Variants in RNF213 observed in about 807,000 individuals in gnomAD.
RNF213 encodes the protein ring finger protein 213, also known as E3 ubiquitin-protein ligase RNF213.
RNF213 carries 341 observed loss-of-function variants against 514.4 expected under a neutral mutation model. The observed-to-expected ratio is 0.66, with a 90% CI of 0.61 to 0.73. RNF213 has a LOEUF of 0.73. Ranked by LOEUF, RNF213 falls within the 30% of genes least tolerant of loss-of-function variation. The pLI is 0.00. For synonymous variants in RNF213, 2,655 were observed against 2,658.2 expected (o/e 1.00, Z 0.04); for missense variants, 5,767 against 6,615.6 (o/e 0.87, Z 4.45).
At chr17:80,328,291 T>C (rs2042721729) in intron 19 of RNF213, 37 bp from the exon 20 acceptor site, 9 of 1,512,584 alleles carry the variant, frequency 6.0e-6, no homozygotes, top group African/African-American at 1.4e-5. Flanking sequence ...CATTTGTTGC[T>C]GTATTGGGTT....
At position 80,353,900 on chromosome 17, in the gene RNF213, G is replaced by A. The variant is rs1399103901; in HGVS notation, c.10579-119G>A. On this transcript the variant is annotated intron_variant, in intron 34 of 67. Coordinates refer to ENST00000582970, the MANE Select transcript of RNF213 (RefSeq NM_001256071.3). The surrounding 1 kb of genome is among the most constrained non-coding windows in gnomAD (Gnocchi z 5.0). ...GGAGGTCGGCGTCTCTTCTTTGTCCGTGAGGACCGCCGCCCTGTGCTGTTT... is the reference window on the plus strand; with the variant it reads ...GGAGGTCGGCGTCTCTTCTTTGTCCATGAGGACCGCCGCCCTGTGCTGTTT... The A allele has an allele frequency of 5.8e-6, 8 of 1,390,476 alleles. No homozygotes were observed. The highest frequency in any genetic ancestry group is 7.0e-6 in the Non-Finnish European group (7 of 997,674). 86.1% of individuals were successfully genotyped at this position (1,390,476 alleles called of 1,614,324 possible).
intron 3 of RNF213, among the ~76,000 whole-genome samples, chr17:80,274,116 C>T (rs73442432): frequency 0.043 from 6,557 of 152,162 alleles, 155 homozygotes; most frequent in East Asian, 0.11. Context: ...GCGTGTCTTG[C>T]GCTTCTGTAG....
intron 49 of RNF213, 23 bp from the exon 50 acceptor site, chr17:80,374,432 ACCC>A: frequency 6.2e-7 from 1 of 1,613,604 alleles, no homozygotes; most frequent in Non-Finnish European, 8.5e-7. Flanking sequence ...CCCATTGTTC[ACCC>A]CCAACTAACC....
At chr17:80,308,899 G>A (rs1375997209) in intron 13 of RNF213, 119 bp from the exon 14 acceptor site, 6 of 1,250,624 alleles carry the variant, frequency 4.8e-6, no homozygotes, top group South Asian at 2.4e-5. Context: ...ACCTAGATAA[G>A]GTCAAACAAA....
chr17:80,313,788 GTGAAGGTGA>G (rs1319717988), intron 15 of RNF213, among the ~76,000 whole-genome samples: 2 of 143,524 alleles, frequency 1.4e-5, no homozygotes, highest in Non-Finnish European at 1.6e-5. Flanking sequence ...GATGGTGGTG[GTGAAGGTGA>G]TGGTGGAGGT....
chr17:80,344,128 C>A, intron 28 of RNF213, 113 bp downstream of exon 28: 1 of 1,131,010 alleles, frequency 8.8e-7, no homozygotes, highest in Non-Finnish European at 1.3e-6. Flanking sequence ...TTACTTAGTG[C>A]AGCAGCTGAA....
intron 54 of RNF213, chr17:80,379,309 G>T: frequency 2.5e-6 from 1 of 398,764 alleles, no homozygotes; most frequent in Non-Finnish European, 4.8e-6. Context: ...TAGATGGAGG[G>T]ATGGAAAAAG....
At position 80,317,664 on chromosome 17, in the gene RNF213, G is replaced by A. The variant is rs7501987; in HGVS notation, c.2901+387G>A. 0.28 allele frequency among the ~76,000 whole-genome samples: 42,866 copies of A among 152,086 alleles called. 6,879 individuals are homozygous for A. The highest frequency in any genetic ancestry group is 0.39 in the South Asian group (1,902 of 4,818). ...TTGGGAGCTGGCAGGAGCAAGCTCC[G>A]TGCAGGCCCTGCAGCAGTGCCCAGA... On this transcript the variant is annotated intron_variant, in intron 16 of 67. Coordinates refer to ENST00000582970, the MANE Select transcript of RNF213 (RefSeq NM_001256071.3). This position sits in a 1 kb window ranked among gnomAD's most constrained non-coding sequence, Gnocchi z 4.1.
Position 80,263,904 on chromosome 17 carries a change from T to C in RNF213, c.97+126T>C, listed in dbSNP as rs2043515080. 1.4e-6 allele frequency: 1 copy of C among 731,802 alleles called. No homozygotes were observed. The highest frequency in any genetic ancestry group is 2.4e-6 in the Non-Finnish European group (1 of 417,808). The allele number at this position is 731,802 out of a possible 1,614,324, so 45.3% of individuals were successfully genotyped here. A position where few individuals can be genotyped will look rare whatever the true frequency, so the allele number is the denominator to read the frequency against. On this transcript the variant is annotated intron_variant, in intron 2 of 67. Coordinates refer to ENST00000582970, the MANE Select transcript of RNF213 (RefSeq NM_001256071.3). This position sits in a 1 kb window ranked among gnomAD's most constrained non-coding sequence, Gnocchi z 4.9. ...AGGTGGGGCCGAGGTCCTCTGTGGCTACTGAGGCTCTGTGGCTCTGAATAG... is the reference window on the plus strand; with the variant it reads ...AGGTGGGGCCGAGGTCCTCTGTGGCCACTGAGGCTCTGTGGCTCTGAATAG...
Position 80,389,769 on chromosome 17 carries a change from C to T in RNF213, c.15196-59C>T, listed in dbSNP as rs1333787955. ...GAGAGCACTCAGGCTCCCTGGTGCA[C>T]GACATGAGTGGGGGTGTGAGACCTC... On this transcript the variant is annotated intron_variant, in intron 65 of 67. Coordinates refer to ENST00000582970, the MANE Select transcript of RNF213 (RefSeq NM_001256071.3). 1.1e-5 allele frequency: 16 copies of T among 1,428,570 alleles called. No individual in the cohort carries two copies. In the East Asian group the frequency reaches 2.0e-4, roughly 18 times the overall value. 88.5% of individuals were successfully genotyped at this position (1,428,570 alleles called of 1,614,324 possible). A position where few individuals can be genotyped will look rare whatever the true frequency, so the allele number is the denominator to read the frequency against.
intron 42 of RNF213, chr17:80,365,396 AGCTCCCCGGAGGCTGGCACGGAGTC>A (rs2079224081): frequency 6.6e-6 from 1 of 151,126 alleles, no homozygotes; most frequent in African/African-American, 2.4e-5. Flanking sequence ...CTAAGGTACC[AGCTCCCCGGAGGCTGGCACGGAGTC>A]AGGTGCCCAC....
At chr17:80,312,085 G>A (rs566342128) in intron 14 of RNF213, among the ~76,000 whole-genome samples, 42 of 152,046 alleles carry the variant, frequency 2.8e-4, no homozygotes, top group African/African-American at 9.6e-4. Flanking sequence ...CCAAGATCGC[G>A]CCACTGTACT....
At chr17:80,336,584 T>G in intron 23 of RNF213, 1 of 649,666 alleles carries the variant, frequency 1.5e-6, no homozygotes, top group Admixed American at 2.1e-5. Flanking sequence ...ACATGACACA[T>G]AGTAATCTCT....
Position 80,390,009 on chromosome 17 carries a change from T to C in RNF213, c.15286-3T>C. The C allele has an allele frequency of 1.9e-6, 3 of 1,614,224 alleles. No individual in the cohort carries two copies. The highest frequency in any genetic ancestry group is 8.5e-7 in the Non-Finnish European group (1 of 1,180,034). On this transcript the variant is annotated splice_polypyrimidine_tract_variant and splice_region_variant and intron_variant, in intron 66 of 67. Transcript: ENST00000582970. ...TGCTTCATTTGCTCTTCCGTCGTTTTAGGAGCCATTTGGGGAAATCAGTTC... is the reference window on the plus strand; with the variant it reads ...TGCTTCATTTGCTCTTCCGTCGTTTCAGGAGCCATTTGGGGAAATCAGTTC...
Position 80,347,847 on chromosome 17 carries a change from A to G in RNF213, c.9512A>G (p.Lys3171Arg). ...FPIPLINRLE[K>R]HYLDINTVLE... ...ATCCCCCTCATTAACCGGCTGGAGA[A>G]GCACTATCTGGATATCAACACGGTG... The change falls in exon 29 of 68, where the codon AAG becomes AGG. Residue 3171 changes from lysine to arginine, a missense_variant. Physicochemically the swap from Lys to Arg is conservative, Grantham distance 26. Coordinates refer to ENST00000582970, the MANE Select transcript of RNF213 (RefSeq NM_001256071.3). This position sits in a 1 kb window ranked among gnomAD's most constrained non-coding sequence, Gnocchi z 7.2. 6.2e-7 allele frequency: 1 copy of G among 1,614,196 alleles called. No homozygotes were observed. The highest frequency in any genetic ancestry group is 8.5e-7 in the Non-Finnish European group (1 of 1,180,034).
rs369215015 is a variant in RNF213, at chr17:80,361,801, T to C, written c.11268T>C (p.His3756=). 7 of 1,613,958 alleles carry C rather than the reference T, an allele frequency of 4.3e-6. No homozygotes were observed. The Admixed American group carries it at 5.0e-5, about 12-fold the overall frequency. The part of the protein sequence containing the change: ...TPLGRFLAQL[H]GEPQQELLQC... ...TGGGCAGGTTTCTTGCCCAGCTCCA[T>C]GGAGAGCCGCAGCAGGAACTTCTTC... The change falls in exon 39 of 68, where the codon CAT becomes CAC. Residue 3756 remains histidine, a synonymous_variant. Coordinates refer to ENST00000582970, the MANE Select transcript of RNF213 (RefSeq NM_001256071.3).
intron 3 of RNF213, chr17:80,278,624 G>C (rs2044152900): frequency 9.6e-7 from 1 of 1,040,630 alleles, no homozygotes; most frequent in Non-Finnish European, 1.4e-6. Context: ...TGGGAAGCTG[G>C]TCAGTGCCCA....
Position 80,363,133 on chromosome 17 carries a change from G to A in RNF213, c.11387G>A (p.Arg3796Lys), listed in dbSNP as rs1219619112. 5 of 1,614,210 alleles carry A rather than the reference G, an allele frequency of 3.1e-6. No homozygotes were observed. The highest frequency in any genetic ancestry group is 4.2e-6 in the Non-Finnish European group (5 of 1,180,032). ...CAGATGGCTCTGTGGTCCTGCACTAGGAAACTGAAAGCGGCGTCAGAAGCG... is the reference window on the plus strand; with the variant it reads ...CAGATGGCTCTGTGGTCCTGCACTAAGAAACTGAAAGCGGCGTCAGAAGCG... ...FLQMALWSCT[R>K]KLKAASEAPE... The change falls in exon 40 of 68, where the codon AGG (arginine) becomes AAG (lysine). Residue 3796 changes from arginine (R) to lysine (K), a missense_variant. This residue lies in a region of RNF213 where 355 missense variants were observed against 358.0 expected (regional missense o/e 0.99). Transcript: ENST00000582970.
At chr17:80,306,115 A>AC in intron 11 of RNF213, 137 bp from the exon 12 acceptor site, 1 of 835,846 alleles carries the variant, frequency 1.2e-6, no homozygotes, top group South Asian at 1.4e-5. Flanking sequence ...GGTGTGAGCC[A>AC]CCACGCCTGC....
Sources: gnomAD v4.1 joint callset for allele counts (sites outside exome capture counted in the v4.1 genomes callset) on GRCh38, gnomAD v4.1.1 for gene constraint, gnomAD v4.1.1 regional missense constraint, Gnocchi (gnomAD v3.1) non-coding constraint, MANE v1.5 for transcripts, NCBI Gene and HGNC (gene_info 2026-07-23, HGNC 2026-07-21) for gene names.